ZNF345: variants seen among roughly 807,000 people sequenced by gnomAD.
The protein encoded by ZNF345 is zinc finger protein HZF10.
For missense variants in ZNF345, 527 were observed against 589.9 expected (o/e 0.89, Z 1.10); for synonymous variants, 166 against 187.9 (o/e 0.88, Z 0.95).
chr19:36,856,528 C>T (rs994684596), intron 2 of ZNF345, among the ~76,000 whole-genome samples: 2 of 151,886 alleles, frequency 1.3e-5, no homozygotes, highest in African/African-American at 4.8e-5. Context: ...TTTCAAAAAC[C>T]TTTGAATACA....
intron 2 of ZNF345, among the ~76,000 whole-genome samples, chr19:36,859,143 T>A (rs1294593362): frequency 6.6e-6 from 1 of 151,934 alleles, no homozygotes; most frequent in Admixed American, 6.6e-5. Context: ...ATCTTAAACT[T>A]TTTTATGGTT....
At chr19:36,890,132 G>C (rs999813605) in intron 3 of ZNF345, 1 of 152,146 alleles carries the variant, frequency 6.6e-6, no homozygotes, top group African/African-American at 2.4e-5. Flanking sequence ...GAAGATGTTA[G>C]ATATGATTTT....
intron 2 of ZNF345, among the ~76,000 whole-genome samples, chr19:36,862,246 G>A (rs1000995264): frequency 1.3e-5 from 2 of 152,028 alleles, no homozygotes; most frequent in Non-Finnish European, 2.9e-5. Flanking sequence ...CCCCATTAAA[G>A]TTGCTTTTGT....
intron 2 of ZNF345, among the ~76,000 whole-genome samples, chr19:36,870,631 T>G (rs188900208): frequency 6.2e-4 from 95 of 152,258 alleles, no homozygotes; most frequent in African/African-American, 2.3e-3. Flanking sequence ...ATTAAAAATA[T>G]TTTTCCTCAG....
chr19:36,887,189 AC>A (rs1568364511), intron 3 of ZNF345, among the ~76,000 whole-genome samples: 21 of 151,752 alleles, frequency 1.4e-4, no homozygotes, highest in African/African-American at 4.8e-4. Flanking sequence ...CACCACCACC[AC>A]CACCACCAAC....
At chr19:36,862,539 C>T (rs1013732121) in intron 2 of ZNF345, among the ~76,000 whole-genome samples, 37 of 151,538 alleles carry the variant, frequency 2.4e-4, no homozygotes, top group African/African-American at 7.5e-4. Context: ...TGGTGCACAC[C>T]TGTAGGCCCA....
intron 2 of ZNF345, chr19:36,858,090 A>G (rs887525899): frequency 2.7e-4 from 41 of 152,256 alleles, no homozygotes; most frequent in African/African-American, 9.9e-4. Context: ...TAAGCTAGCT[A>G]TTCTTAACCT....
At chr19:36,860,555 G>GTAAAAAGT (rs1190598093) in intron 2 of ZNF345, among the ~76,000 whole-genome samples, 24 of 152,056 alleles carry the variant, frequency 1.6e-4, no homozygotes, top group African/African-American at 5.6e-4. Flanking sequence ...AAGAGGAGAA[G>GTAAAAAGT]CCATTTATTT....
intron 2 of ZNF345, among the ~76,000 whole-genome samples, chr19:36,867,752 A>G (rs1180058669): frequency 1.3e-5 from 2 of 152,152 alleles, no homozygotes; most frequent in Non-Finnish European, 2.9e-5. Context: ...TTCTTTCTCC[A>G]TTCAGTGGAC....
intron 2 of ZNF345, among the ~76,000 whole-genome samples, chr19:36,859,237 C>T (rs2072492901): frequency 6.6e-6 from 1 of 151,972 alleles, no homozygotes; most frequent in African/African-American, 2.4e-5. Flanking sequence ...TCACTGCAGC[C>T]TCTGCCTCCC....
intron 2 of ZNF345, among the ~76,000 whole-genome samples, chr19:36,861,555 T>C (rs898250993): frequency 1.3e-5 from 2 of 152,162 alleles, no homozygotes; most frequent in African/African-American, 2.4e-5. Context: ...TTTATCTTTT[T>C]ATTTTTATTT....
chr19:36,871,994 C>T (rs1216457073), intron 2 of ZNF345, among the ~76,000 whole-genome samples: 7 of 151,960 alleles, frequency 4.6e-5, no homozygotes, highest in South Asian at 2.1e-4. Flanking sequence ...CTCAAATTCC[C>T]GACCTCAGGT....
chr19:36,862,417 C>T (rs537151847), intron 2 of ZNF345, among the ~76,000 whole-genome samples: 5 of 151,518 alleles, frequency 3.3e-5, no homozygotes, highest in African/African-American at 1.2e-4. Flanking sequence ...AATCCCAGCA[C>T]TTTGGGAGGC....
At chr19:36,886,973 G>A (rs1472942803) in intron 3 of ZNF345, among the ~76,000 whole-genome samples, 4 of 138,942 alleles carry the variant, frequency 2.9e-5, no homozygotes, top group Non-Finnish European at 3.0e-5. Context: ...CAGCTTGGGC[G>A]AAAGAGTGAG....
intron 2 of ZNF345, among the ~76,000 whole-genome samples, chr19:36,867,079 C>G (rs2072675746): frequency 6.6e-6 from 1 of 152,166 alleles, no homozygotes; most frequent in South Asian, 2.1e-4. Context: ...TAACCAAACT[C>G]TTTCAAAGTG....
chr19:36,884,467 C>T (rs1027346869), downstream of ZNF345, among the ~76,000 whole-genome samples: 1 of 152,046 alleles, frequency 6.6e-6, no homozygotes, highest in African/African-American at 2.4e-5. Flanking sequence ...TCTGGTCATC[C>T]TATCCCTATG....
intron 2 of ZNF345, among the ~76,000 whole-genome samples, chr19:36,859,783 T>C (rs1036628573): frequency 2.0e-5 from 3 of 152,178 alleles, no homozygotes; most frequent in South Asian, 2.1e-4. Flanking sequence ...AGTATTCCTG[T>C]GTACCACTCA....
chr19:36,861,117 G>C (rs956026511), intron 2 of ZNF345, among the ~76,000 whole-genome samples: 1 of 152,088 alleles, frequency 6.6e-6, no homozygotes, highest in Non-Finnish European at 1.5e-5. Context: ...TTATACTCAA[G>C]TTGTCCCAGA....
intron 2 of ZNF345, among the ~76,000 whole-genome samples, chr19:36,853,246 T>C (rs1338198273): frequency 8.9e-6 from 1 of 112,938 alleles, no homozygotes; most frequent in Non-Finnish European, 1.7e-5. Flanking sequence ...TCTTTCTTTC[T>C]TTTTTTTTTT....
Sources: gnomAD v4.1 joint callset for allele counts (sites outside exome capture counted in the v4.1 genomes callset) on GRCh38, gnomAD v4.1.1 for gene constraint, MANE v1.5 for transcripts, NCBI Gene and HGNC (gene_info 2026-07-23, HGNC 2026-07-21) for gene names.